Variants in TTLL9 observed in about 807,000 individuals in gnomAD.
TTLL9 encodes the protein probable tubulin polyglutamylase TTLL9.
Under a neutral mutation model 65.6 loss-of-function variants are expected in TTLL9, and 47 were observed. That is an observed-to-expected ratio of 0.72 (90% confidence interval 0.57 to 0.91). TTLL9 has a LOEUF of 0.91. Among genes scored for constraint, TTLL9 ranks in the 40% least tolerant of loss-of-function variants. TTLL9 has a pLI of 0.00. For synonymous variants in TTLL9, 179 were observed against 204.8 expected, an observed-to-expected ratio of 0.87 and a Z score of 1.07; for missense variants, 537 against 568.8, an observed-to-expected ratio of 0.94 and a Z score of 0.57.
At chr20:31,891,859 G>A (rs1444791993) in intron 3 of TTLL9, among the ~76,000 whole-genome samples, 2 of 150,116 alleles carry the variant, frequency 1.3e-5, no homozygotes, top group South Asian at 4.3e-4. Context: ...CTGGAGTGCA[G>A]TGGTACGATC....
At chr20:31,879,802 G>T (rs1214080329) in intron 2 of TTLL9, 1 of 1,546,718 alleles carries the variant, frequency 6.5e-7, no homozygotes. Context: ...CCAGGCGCCT[G>T]TCTGTCGCCT....
At chr20:31,908,837 T>G (rs939392673) in intron 5 of TTLL9, 135 bp downstream of exon 5, 4 of 740,026 alleles carry the variant, frequency 5.4e-6, no homozygotes, top group African/African-American at 3.5e-5. Context: ...GTCTGCGGGC[T>G]AGACCTATGG....
intron 6 of TTLL9, 120 bp downstream of exon 6, chr20:31,910,042 C>A: frequency 1.1e-6 from 1 of 937,038 alleles, no homozygotes; most frequent in Non-Finnish European, 1.6e-6. Context: ...TCCCGAAGGG[C>A]CAGCTTTAGC....
At chr20:31,884,368 G>C (rs1444259460) in intron 2 of TTLL9, among the ~76,000 whole-genome samples, 1 of 152,138 alleles carries the variant, frequency 6.6e-6, no homozygotes, top group African/African-American at 2.4e-5. Flanking sequence ...TGGGATTATA[G>C]GTGTGTGCCA....
intron 13 of TTLL9, among the ~76,000 whole-genome samples, 187 bp from the exon 14 acceptor site, chr20:31,938,955 G>GA (rs1174238521): frequency 1.3e-5 from 2 of 152,122 alleles, no homozygotes; most frequent in Non-Finnish European, 2.9e-5. Context: ...AGCCTTGGGG[G>GA]AAAAATGGGA....
chr20:31,931,609 C>T (rs145061042), intron 10 of TTLL9, among the ~76,000 whole-genome samples: 262 of 152,292 alleles, frequency 1.7e-3, no homozygotes, highest in Non-Finnish European at 3.2e-3. Context: ...TCATTATAGC[C>T]ATCCTAGTGG....
chr20:31,886,861 G>T (rs1323370361), intron 2 of TTLL9, among the ~76,000 whole-genome samples: 4 of 152,186 alleles, frequency 2.6e-5, no homozygotes, highest in Non-Finnish European at 5.9e-5. Context: ...TTCTCACAGA[G>T]TGTATTGAAC....
intron 4 of TTLL9, among the ~76,000 whole-genome samples, chr20:31,903,042 T>G (rs141655053): frequency 1.3e-5 from 2 of 151,512 alleles, no homozygotes; most frequent in African/African-American, 4.8e-5. Context: ...TGTTTTAAGT[T>G]TTTTTTTTGG....
chr20:31,920,229 G>GCACACACACACA (rs3046855), intron 7 of TTLL9, among the ~76,000 whole-genome samples: 1 of 150,426 alleles, frequency 6.6e-6, no homozygotes, highest in Non-Finnish European at 1.5e-5. Flanking sequence ...GCAAACACGC[G>GCACACACACACA]CACACACACA....
intron 8 of TTLL9, among the ~76,000 whole-genome samples, chr20:31,923,293 A>G (rs969478571): frequency 6.6e-6 from 1 of 152,118 alleles, no homozygotes. Context: ...TTAAAAACCA[A>G]CTTATTCATG....
At chr20:31,889,984 TTCTTTCTTTC>T (rs1397700379) in intron 3 of TTLL9, among the ~76,000 whole-genome samples, 7 of 95,742 alleles carry the variant, frequency 7.3e-5, no homozygotes, top group African/African-American at 4.2e-4. Flanking sequence ...CTTTCTTTCT[TTCTTTCTTTC>T]TTTCTTTCTT....
At chr20:31,889,840 G>A (rs1456245060) in intron 3 of TTLL9, among the ~76,000 whole-genome samples, 1 of 151,908 alleles carries the variant, frequency 6.6e-6, no homozygotes, top group Non-Finnish European at 1.5e-5. Flanking sequence ...AAAGTGTTGG[G>A]ATTACAGGCA....
intron 2 of TTLL9, among the ~76,000 whole-genome samples, chr20:31,883,597 T>G (rs2123399714): frequency 6.6e-6 from 1 of 152,290 alleles, no homozygotes; most frequent in Non-Finnish European, 1.5e-5. Context: ...CAGATGTAAA[T>G]GTTAAACATC....
intron 2 of TTLL9, chr20:31,872,904 AGTTTTCCTTCTCTTCTGTCG>A: frequency 4.3e-6 from 2 of 460,578 alleles, no homozygotes; most frequent in Non-Finnish European, 4.4e-6. Context: ...TGGGAGTTAA[AGTTTTCCTTCTCTTCTGTCG>A]GATAAAAATC....
At chr20:31,902,069 T>G (rs2063487145) in intron 4 of TTLL9, among the ~76,000 whole-genome samples, 1 of 152,096 alleles carries the variant, frequency 6.6e-6, no homozygotes, top group Admixed American at 6.5e-5. Context: ...TAGAATTTCG[T>G]GTCTTTTAGC....
chr20:31,877,828 C>T (rs2063057673), intron 2 of TTLL9, among the ~76,000 whole-genome samples: 5 of 152,170 alleles, frequency 3.3e-5, no homozygotes, highest in African/African-American at 1.2e-4. Context: ...GACAAGATTT[C>T]TCAAAAATCC....
At chr20:31,934,609 T>G in intron 11 of TTLL9, 83 bp from the exon 12 acceptor site, 1 of 1,282,144 alleles carries the variant, frequency 7.8e-7, no homozygotes, top group East Asian at 2.5e-5. Context: ...AGGGAAACAC[T>G]GAGAGCAATT....
At chr20:31,927,862 G>A (rs1235573774) in intron 10 of TTLL9, among the ~76,000 whole-genome samples, 1 of 152,188 alleles carries the variant, frequency 6.6e-6, no homozygotes, top group Non-Finnish European at 1.5e-5. Flanking sequence ...AGTTGAGTGC[G>A]TGTCCAAGGT....
intron 3 of TTLL9, among the ~76,000 whole-genome samples, chr20:31,890,162 T>TTTCC: frequency 1.1e-5 from 1 of 88,414 alleles, no homozygotes; most frequent in African/African-American, 5.4e-5. Flanking sequence ...TCCTTCTTTC[T>TTTCC]TTCTTTCTTT....
Sources: allele counts gnomAD v4.1 joint callset (sites outside exome capture counted in the v4.1 genomes callset), GRCh38; gene constraint gnomAD v4.1.1; transcripts MANE v1.5; gene names NCBI Gene and HGNC (gene_info 2026-07-23, HGNC 2026-07-21).